INTS13: variants seen among roughly 807,000 people sequenced by gnomAD.
The protein encoded by INTS13 is integrator complex subunit 13, also known as asunder, spermatogenesis regulator homolog (Drosphila).
In INTS13, 35 loss-of-function variants were observed where a neutral mutation model predicts 90.2. The observed-to-expected ratio is 0.39, with a 90% CI of 0.30 to 0.51. The LOEUF is 0.51. INTS13 is among the 20% of genes least tolerant of loss of function. The pLI is 0.80. For missense variants in INTS13, 601 were observed against 851.2 expected (o/e 0.71, Z 3.66); for synonymous variants, 309 against 277.1 (o/e 1.11, Z -1.14).
rs1951864346 is a variant in INTS13, at chr12:26,914,034, TC to T, written c.1513del (p.Glu505LysfsTer32). ...QKTIYNLVDMERKNDPLPIST... is the reference protein window; with the variant it reads ...QKTIYNLVDMXRKNDPLPIST... The stretch of plus-strand genomic sequence containing the variant: ...AATAGGTAGAGGATCATTTTTTCTT[TC>T]CATATCAACTAAGTTGTATATTGTT... On this transcript the variant is annotated frameshift_variant, in exon 13 of 17. Transcript: ENST00000261191. LOFTEE classifies it high-confidence loss of function. 1 of 1,611,362 alleles carries T rather than the reference TC, an allele frequency of 6.2e-7. No homozygotes were observed.
At chr12:26,920,986 T>C (rs1204096712) in intron 8 of INTS13, among the ~76,000 whole-genome samples, 2 of 152,212 alleles carry the variant, frequency 1.3e-5, no homozygotes, top group African/African-American at 4.8e-5. Flanking sequence ...CTAGAAAACA[T>C]TCTAAAGAAT....
chr12:26,914,705 T>G, intron 11 of INTS13, 127 bp from the exon 12 acceptor site: 1 of 688,104 alleles, frequency 1.5e-6, no homozygotes, highest in Non-Finnish European at 2.3e-6. Context: ...TTTCTAACAG[T>G]ATCCCTTAAC....
At position 26,905,543 on chromosome 12, in the gene INTS13, T is replaced by A. The variant is rs374095160; in HGVS notation, c.2082-7A>T. 1 of 1,610,378 alleles carries A rather than the reference T, an allele frequency of 6.2e-7. No individual in the cohort carries two copies. Among genetic ancestry groups the A allele is most frequent in the Non-Finnish European group, 8.5e-7 (1 of 1,178,596 alleles). Reference sequence around the variant, plus strand: ...ATTTTCTGTTGTCTCCATCCTGAAATAGGAAGAAAAAAACGAGTTGATAAA... The same window carrying A: ...ATTTTCTGTTGTCTCCATCCTGAAAAAGGAAGAAAAAAACGAGTTGATAAA... On this transcript the variant is annotated splice_polypyrimidine_tract_variant and splice_region_variant and intron_variant, in intron 16 of 16. Coordinates refer to ENST00000261191, the MANE Select transcript of INTS13 (RefSeq NM_018164.3).
intron 15 of INTS13, among the ~76,000 whole-genome samples, chr12:26,910,872 G>A (rs1285526150): frequency 6.6e-6 from 1 of 151,572 alleles, no homozygotes; most frequent in Non-Finnish European, 1.5e-5. Flanking sequence ...GTCTTGCTCT[G>A]TCGCCCAGGC....
At chr12:26,911,354 A>T (rs537269369) in intron 14 of INTS13, 37 bp from the exon 15 acceptor site, 1 of 1,563,506 alleles carries the variant, frequency 6.4e-7, no homozygotes, top group East Asian at 2.3e-5. Context: ...TAAAGTTCAA[A>T]TTTTTAGAAG....
rs777973389 is a variant in INTS13, at chr12:26,928,668, C to A, written c.503+35G>T. On this transcript the variant is annotated intron_variant, in intron 4 of 16. Transcript: ENST00000261191. ...AAACTACAACAGGATTTTAAAATTC[C>A]CACAGTGAAAGAATTGCTATAATCA... The A allele has an allele frequency of 7.5e-6, 12 of 1,600,878 alleles. No individual in the cohort carries two copies. In the Admixed American group the frequency reaches 1.0e-4, roughly 13 times the overall value.
At chr12:26,922,413 C>T (rs1451054868) in intron 8 of INTS13, among the ~76,000 whole-genome samples, 1 of 152,128 alleles carries the variant, frequency 6.6e-6, no homozygotes, top group African/African-American at 2.4e-5. Context: ...TGATCTCCTG[C>T]TTTGCCTAAT....
In INTS13 at chr12:26,936,811, T is replaced by C. The variant is rs1222181896; in HGVS notation, c.-8A>G. ...TTCAGAAAAAATCTTCATTTTGTTT[T>C]AACCTGTAAGGGGAAAAACATATTA... On this transcript the variant is annotated 5_prime_UTR_variant, in exon 2 of 17. Transcript: ENST00000261191. 6.9e-6 allele frequency: 11 copies of C among 1,603,526 alleles called. No homozygotes were observed. The highest frequency in any genetic ancestry group is 9.4e-6 in the Non-Finnish European group (11 of 1,170,892).
In INTS13 at chr12:26,911,252, G is replaced by A; in HGVS notation, c.1871C>T (p.Pro624Leu). The change falls in exon 15 of 17, where the codon CCT (proline) becomes CTT (leucine). Residue 624 changes from proline to leucine, a missense_variant. This residue lies in a region of INTS13 where 228 missense variants were observed against 272.5 expected (regional missense o/e 0.84). Transcript: ENST00000261191. ...LAEAEIIKDS[P>L]DSPEPPNKKP... is the part of the protein sequence containing the mutation. Reference sequence around the variant, plus strand: ...TTTGTTTGGAGGTTCTGGGGAATCAGGCGAATCTTTTATAATCTCAGCTTC... The same window carrying A: ...TTTGTTTGGAGGTTCTGGGGAATCAAGCGAATCTTTTATAATCTCAGCTTC... 1 of 1,613,854 alleles carries A rather than the reference G, an allele frequency of 6.2e-7. No individual in the cohort carries two copies. Among genetic ancestry groups the A allele is most frequent in the African/African-American group, 1.3e-5 (1 of 75,008 alleles).
intron 4 of INTS13, 133 bp downstream of exon 4, chr12:26,928,570 A>T: frequency 1.1e-6 from 1 of 886,846 alleles, no homozygotes; most frequent in Non-Finnish European, 1.7e-6. Flanking sequence ...AAAAAAAAAG[A>T]AAAAAATCAG....
At chr12:26,905,828 G>GA (rs1370507679) in intron 16 of INTS13, among the ~76,000 whole-genome samples, 2 of 151,772 alleles carry the variant, frequency 1.3e-5, no homozygotes, top group African/African-American at 4.8e-5. Context: ...CAAAACTAAG[G>GA]AAAAAATCTC....
chr12:26,912,828 C>T (rs150914149), intron 14 of INTS13, among the ~76,000 whole-genome samples: 1 of 151,686 alleles, frequency 6.6e-6, no homozygotes, highest in Non-Finnish European at 1.5e-5. Context: ...CCCAGGTTCA[C>T]GTGATTCTCG....
At chr12:26,923,428 T>A (rs1334293576) in intron 7 of INTS13, among the ~76,000 whole-genome samples, 1 of 152,200 alleles carries the variant, frequency 6.6e-6, no homozygotes, top group African/African-American at 2.4e-5. Flanking sequence ...ATGAAAAGAT[T>A]ATAATTCTCA....
intron 8 of INTS13, among the ~76,000 whole-genome samples, chr12:26,922,151 A>G (rs1435705389): frequency 6.6e-6 from 1 of 152,154 alleles, no homozygotes; most frequent in Admixed American, 6.5e-5. Context: ...TGGTTATCAG[A>G]TCCACTGTCG....
rs762275129 is a variant in INTS13, at chr12:26,919,083, T to G, written c.890-1350A>C. The stretch of plus-strand genomic sequence containing the variant: ...CCGGAGGCTGAGGTGGAAGGACTGC[T>G]TGTAGCCCGAGGGGTCGATGCTGCA... On this transcript the variant is annotated intron_variant, in intron 8 of 16. Coordinates refer to ENST00000261191, the MANE Select transcript of INTS13 (RefSeq NM_018164.3). 3 of 373,410 alleles carry G rather than the reference T, an allele frequency of 8.0e-6. No individual in the cohort carries two copies. The East Asian group carries it at 2.5e-4, about 31-fold the overall frequency. 23.1% of individuals were successfully genotyped at this position (373,410 alleles called of 1,614,324 possible).
chr12:26,928,700 C>G lies in INTS13; in HGVS notation c.503+3G>C. 1 of 1,613,476 alleles carries G rather than the reference C, an allele frequency of 6.2e-7. No homozygotes were observed. Among genetic ancestry groups the G allele is most frequent in the Non-Finnish European group, 8.5e-7 (1 of 1,179,898 alleles). On this transcript the variant is annotated splice_donor_region_variant and intron_variant, in intron 4 of 16. Coordinates refer to ENST00000261191, the MANE Select transcript of INTS13 (RefSeq NM_018164.3). ...GAAAGAATTGCTATAATCAACACCT[C>G]ACCTTTTTGCATTAGTAATACAGAT...
At chr12:26,927,764 T>C (rs1321313905) in intron 5 of INTS13, among the ~76,000 whole-genome samples, 5 of 151,746 alleles carry the variant, frequency 3.3e-5, no homozygotes, top group Non-Finnish European at 7.4e-5. Flanking sequence ...TACAGGCACA[T>C]GCCACCAGGC....
At chr12:26,914,852 C>T (rs1951884180) in intron 11 of INTS13, among the ~76,000 whole-genome samples, 1 of 152,004 alleles carries the variant, frequency 6.6e-6, no homozygotes, top group Non-Finnish European at 1.5e-5. Context: ...ACTTTTTTTC[C>T]CCTTCTGTAA....
At chr12:26,932,049 T>G (rs1454751294) in intron 3 of INTS13, among the ~76,000 whole-genome samples, 2 of 139,632 alleles carry the variant, frequency 1.4e-5, no homozygotes, top group East Asian at 4.4e-4. Flanking sequence ...ATCGTGCCAC[T>G]GCACTCCAGC....
Sources: allele counts gnomAD v4.1 joint callset (sites outside exome capture counted in the v4.1 genomes callset), GRCh38; gene constraint gnomAD v4.1.1; regional missense constraint gnomAD v4.1.1; transcripts MANE v1.5; gene names NCBI Gene and HGNC (gene_info 2026-07-23, HGNC 2026-07-21).